Variants in MDM4 observed in about 807,000 individuals in gnomAD.
MDM4 encodes MDM4 regulator of p53, also known as protein Mdm4.
A neutral mutation model predicts 60.2 loss-of-function variants in MDM4; 2 were observed. The ratio of observed to expected loss-of-function variants is 0.03; its 90% confidence interval spans 0.01 to 0.10. The LOEUF is 0.10. Ranked by LOEUF, MDM4 falls within the 10% of genes least tolerant of loss-of-function variation. MDM4 has a pLI of 1.00. For synonymous variants in MDM4, 202 were observed against 198.1 expected (o/e 1.02, Z -0.17); for missense variants, 447 against 577.5 (o/e 0.77, Z 2.32).
At chr1:204,518,394 T>G (rs1659211608) in intron 1 of MDM4, among the ~76,000 whole-genome samples, 1 of 152,234 alleles carries the variant, frequency 6.6e-6, no homozygotes, top group Non-Finnish European at 1.5e-5. Flanking sequence ...TCTTCCCACT[T>G]TAATCTTCCC....
intron 5 of MDM4, 114 bp from the exon 6 acceptor site, chr1:204,537,316 A>G (rs1321721633): frequency 1.4e-6 from 1 of 698,162 alleles, no homozygotes; most frequent in Non-Finnish European, 2.5e-6. Flanking sequence ...AACATGGAGA[A>G]GTACATTTCT....
intron 3 of MDM4, among the ~76,000 whole-genome samples, chr1:204,526,726 G>A (rs1403855800): frequency 6.6e-6 from 1 of 152,140 alleles, no homozygotes; most frequent in Non-Finnish European, 1.5e-5. Flanking sequence ...GCCTCCCAAA[G>A]TGCTGGGATT....
At chr1:204,538,776 G>T (rs1661690032) in intron 7 of MDM4, among the ~76,000 whole-genome samples, 1 of 150,644 alleles carries the variant, frequency 6.6e-6, no homozygotes, top group Admixed American at 6.6e-5. Flanking sequence ...TGCGATCTCA[G>T]CTCACTGCGA....
At chr1:204,533,355 G>T (rs1051336011) in intron 5 of MDM4, among the ~76,000 whole-genome samples, 3 of 152,288 alleles carry the variant, frequency 2.0e-5, no homozygotes, top group Admixed American at 2.0e-4. Flanking sequence ...GCCCAAGTTA[G>T]TAATCTTTTT....
rs1229599879 is a variant in MDM4 at position 204,516,492 on chromosome 1, T to C, written c.-53T>C. 1.3e-5 allele frequency: 2 copies of C among 152,154 alleles called. No individual in the cohort carries two copies. Among genetic ancestry groups the C allele is most frequent in the African/African-American group, 4.8e-5 (2 of 41,418 alleles). 9.4% of individuals were successfully genotyped at this position (152,154 alleles called of 1,614,324 possible). On this transcript the variant is annotated 5_prime_UTR_variant, in exon 1 of 11. Coordinates refer to ENST00000367182, the MANE Select transcript of MDM4 (RefSeq NM_002393.5). ...CACCCGGGCTCGGCGGGGGAGCGAC[T>C]CATGGAGCTGCCGTAAGGTGTGGCT...
At chr1:204,529,109 G>T in intron 3 of MDM4, 2 of 1,289,986 alleles carry the variant, frequency 1.6e-6, no homozygotes, top group Non-Finnish European at 1.1e-6. Context: ...AGCCTGAGTT[G>T]TCCCAGTCAT....
At position 204,557,529 on chromosome 1, in the gene MDM4, A is replaced by T. The variant is rs1186630276; in HGVS notation, c.*7847A>T. The T allele has an allele frequency of 1.7e-5, 3 of 172,336 alleles. No homozygotes were observed. The highest frequency in any genetic ancestry group is 7.1e-5 in the African/African-American group (3 of 41,976). 10.7% of individuals were successfully genotyped at this position (172,336 alleles called of 1,614,324 possible). A position where few individuals can be genotyped will look rare whatever the true frequency, so the allele number is the denominator to read the frequency against. On this transcript the variant is annotated 3_prime_UTR_variant, in exon 11 of 11. Transcript: ENST00000367182. ...GCGATCCTCCTGCCTCAACCTCTCA[A>T]GTAGCTGGGACTACAGGCGTGCACC...
At position 204,529,497 on chromosome 1, in the gene MDM4, T is replaced by G. The variant is rs1660622891; in HGVS notation, c.154-1187T>G. 3.3e-6 allele frequency: 5 copies of G among 1,522,062 alleles called. No individual in the cohort carries two copies. In the South Asian group the frequency reaches 6.0e-5, roughly 18 times the overall value. 94.3% of individuals were successfully genotyped at this position (1,522,062 alleles called of 1,614,324 possible). On this transcript the variant is annotated intron_variant, in intron 3 of 10. Coordinates refer to ENST00000367182, the MANE Select transcript of MDM4 (RefSeq NM_002393.5). ...AGAGGGGAACATCCCAGGATTGAGGTGTCCATAGGGCCCTCTACCAGCTGG... is the reference window on the plus strand; with the variant it reads ...AGAGGGGAACATCCCAGGATTGAGGGGTCCATAGGGCCCTCTACCAGCTGG...
rs1238786433 is a variant in MDM4, at chr1:204,553,223, G to C, written c.*3541G>C. The C allele has an allele frequency of 5.2e-6, 1 of 191,376 alleles. No homozygotes were observed. Among genetic ancestry groups the C allele is most frequent in the Non-Finnish European group, 1.1e-5 (1 of 91,410 alleles). The allele number at this position is 191,376 out of a possible 1,614,324, so 11.9% of individuals were successfully genotyped here. ...GATTTTCTTTTTTCCTTGCCACTGC[G>C]GTACAGATTTTTTTTACTCACTGCC... On this transcript the variant is annotated 3_prime_UTR_variant, in exon 11 of 11. Transcript: ENST00000367182.
intron 5 of MDM4, 96 bp from the exon 6 acceptor site, chr1:204,537,334 A>G (rs1418267909): frequency 4.6e-6 from 4 of 870,896 alleles, no homozygotes; most frequent in Admixed American, 1.9e-5. Context: ...TCTAGGGACT[A>G]AACCTGGCTC....
chr1:204,558,074 C>G lies in MDM4; in HGVS notation c.*8392C>G, dbSNP rs77971113. On this transcript the variant is annotated 3_prime_UTR_variant, in exon 11 of 11. Coordinates refer to ENST00000367182, the MANE Select transcript of MDM4 (RefSeq NM_002393.5). ...TTTGCACTATGTAATGCTTTTAATA[C>G]TTTTTAATTGTGCTTTTTTATGTAT... 1,810 of 182,422 alleles carry G rather than the reference C, an allele frequency of 9.9e-3. 15 individuals are homozygous for G. Among genetic ancestry groups the G allele is most frequent in the South Asian group, 0.035 (178 of 5,072 alleles). The allele number at this position is 182,422 out of a possible 1,614,324, so 11.3% of individuals were successfully genotyped here.
intron 8 of MDM4, 70 bp from the exon 9 acceptor site, chr1:204,544,465 A>G: frequency 6.7e-7 from 1 of 1,495,298 alleles, no homozygotes; most frequent in Non-Finnish European, 9.1e-7. Flanking sequence ...TTTTGGGTTC[A>G]TTTGTGTTGT....
At chr1:204,536,300 C>T (rs931222264) in intron 5 of MDM4, among the ~76,000 whole-genome samples, 14 of 152,286 alleles carry the variant, frequency 9.2e-5, no homozygotes, top group African/African-American at 1.4e-4. Context: ...AGTCCAACTT[C>T]GCTTTGAAGA....
chr1:204,523,052 G>A (rs576807928), intron 1 of MDM4, among the ~76,000 whole-genome samples: 6 of 151,534 alleles, frequency 4.0e-5, no homozygotes, highest in East Asian at 2.0e-4. Context: ...TAGTAGAGAC[G>A]GGGTTTCACC....
chr1:204,525,992 T>C (rs1029832195), intron 2 of MDM4, among the ~76,000 whole-genome samples: 3 of 152,162 alleles, frequency 2.0e-5, no homozygotes, highest in African/African-American at 7.2e-5. Flanking sequence ...AGGTGGGTCA[T>C]GCCTATAATC....
At chr1:204,519,823 A>G (rs1300216165) in intron 1 of MDM4, among the ~76,000 whole-genome samples, 2 of 152,028 alleles carry the variant, frequency 1.3e-5, no homozygotes, top group South Asian at 4.1e-4. Context: ...CAAAACATCT[A>G]TATCTATTCT....
intron 5 of MDM4, among the ~76,000 whole-genome samples, chr1:204,535,148 A>G (rs1035746587): frequency 3.3e-5 from 5 of 150,882 alleles, no homozygotes; most frequent in African/African-American, 9.7e-5. Flanking sequence ...ATTGTTTAAA[A>G]TGGTAGTTCT....
At chr1:204,524,096 GT>G (rs1659864075) in intron 1 of MDM4, among the ~76,000 whole-genome samples, 2 of 152,156 alleles carry the variant, frequency 1.3e-5, no homozygotes, top group Non-Finnish European at 1.5e-5. Flanking sequence ...GGAGGGGGTT[GT>G]TTACTGAAAC....
At chr1:204,535,412 C>G (rs975754604) in intron 5 of MDM4, among the ~76,000 whole-genome samples, 1 of 152,098 alleles carries the variant, frequency 6.6e-6, no homozygotes, top group African/African-American at 2.4e-5. Flanking sequence ...CCGCCTTGGC[C>G]TCCTAAAGTA....
Sources: gnomAD v4.1 joint callset for allele counts (sites outside exome capture counted in the v4.1 genomes callset) on GRCh38, gnomAD v4.1.1 for gene constraint, MANE v1.5 for transcripts, NCBI Gene and HGNC (gene_info 2026-07-23, HGNC 2026-07-21) for gene names.